The following DNAAF4 variants were observed in gnomAD, a reference collection of about 807,000 sequenced individuals.
DNAAF4 encodes dynein assembly factor 4, axonemal.
DNAAF4 carries 43 observed loss-of-function variants against 51.8 expected under a neutral mutation model. The observed-to-expected ratio is 0.83, with a 90% confidence interval of 0.65 to 1.07. The LOEUF (loss-of-function observed/expected upper bound fraction) is 1.07. Among genes scored for constraint, DNAAF4 ranks in the 50% least tolerant of loss-of-function variants. The probability of loss-of-function intolerance (pLI) is 0.00; values close to 1 mark genes in which losing one functional copy is unlikely to be tolerated. For missense variants in DNAAF4, 581 were observed against 493.0 expected (o/e 1.18, Z -1.69); for synonymous variants, 194 against 165.6 (o/e 1.17, Z -1.32).
intron 4 of DNAAF4, among the ~76,000 whole-genome samples, chr15:55,475,744 C>G (rs1055731003): frequency 6.6e-6 from 1 of 152,112 alleles, no homozygotes; most frequent in Non-Finnish European, 1.5e-5. Flanking sequence ...CAAAAAGAAC[C>G]TAGCAGTTTG....
At chr15:55,496,417 A>C (rs1004774688) in intron 3 of DNAAF4, among the ~76,000 whole-genome samples, 4 of 152,194 alleles carry the variant, frequency 2.6e-5, no homozygotes, top group Non-Finnish European at 4.4e-5. Flanking sequence ...TCTGCTCTAG[A>C]GTGAAACTGC....
chr15:55,438,144 G>A (rs1232392880), intron 7 of DNAAF4, among the ~76,000 whole-genome samples: 6 of 151,532 alleles, frequency 4.0e-5, no homozygotes, highest in East Asian at 2.0e-4. Flanking sequence ...GTCAAGGTGC[G>A]CGGATCACCT....
chr15:55,482,150 T>A (rs993998316), intron 4 of DNAAF4, among the ~76,000 whole-genome samples: 2 of 152,198 alleles, frequency 1.3e-5, no homozygotes. Context: ...TTTGTTCAAT[T>A]CTTTGTTTAA....
Position 55,435,074 on chromosome 15 carries a change from C to A in DNAAF4, c.894-16G>T. ...AAACAATTTGCTAATGAGACAAAAA[C>A]AGAGAAGAAAAACAATTTAACATTG... On this transcript the variant is annotated splice_polypyrimidine_tract_variant and intron_variant, in intron 7 of 9. Transcript: ENST00000321149. 6.4e-7 allele frequency: 1 copy of A among 1,567,730 alleles called. No homozygotes were observed. Among genetic ancestry groups the A allele is most frequent in the East Asian group, 2.3e-5 (1 of 43,770 alleles).
intron 6 of DNAAF4, among the ~76,000 whole-genome samples, chr15:55,448,589 G>A (rs2141455584): frequency 6.6e-6 from 1 of 150,604 alleles, no homozygotes; most frequent in South Asian, 2.1e-4. Context: ...AATTCTATGG[G>A]CCGGGCGCAG....
intron 4 of DNAAF4, among the ~76,000 whole-genome samples, chr15:55,486,993 C>A (rs187300991): frequency 2.6e-5 from 4 of 152,114 alleles, no homozygotes; most frequent in African/African-American, 9.7e-5. Context: ...TTAGCCAGAA[C>A]GAGCTTTCTA....
chr15:55,497,066 A>G (rs759923601), intron 3 of DNAAF4, among the ~76,000 whole-genome samples: 1 of 152,122 alleles, frequency 6.6e-6, no homozygotes, highest in Admixed American at 6.6e-5. Context: ...GGATCCATTC[A>G]TCTTTCCTAA....
downstream of DNAAF4, among the ~76,000 whole-genome samples, chr15:55,430,149 A>T (rs2057472429): frequency 1.3e-5 from 2 of 152,226 alleles, no homozygotes; most frequent in Admixed American, 1.3e-4. Context: ...GTTTTATACT[A>T]GGCTGAACTG....
At chr15:55,444,733 T>A (rs534878231) in intron 6 of DNAAF4, among the ~76,000 whole-genome samples, 15 of 152,358 alleles carry the variant, frequency 9.8e-5, no homozygotes, top group Admixed American at 7.2e-4. Flanking sequence ...GAGCAGTGGT[T>A]TGTAGTTCTC....
chr15:55,491,593 C>T (rs1595952758), intron 3 of DNAAF4, among the ~76,000 whole-genome samples: 1 of 146,864 alleles, frequency 6.8e-6, no homozygotes, highest in South Asian at 2.1e-4. Flanking sequence ...GAAACTAGGG[C>T]TATTTGCTTA....
chr15:55,417,997 C>T (rs1353940258), exon 8 of DNAAF4: 2 of 792,160 alleles, frequency 2.5e-6, no homozygotes, highest in African/African-American at 1.8e-5. Flanking sequence ...AAGGCAGGAA[C>T]CGGCCATTTT....
intron 5 of DNAAF4, among the ~76,000 whole-genome samples, chr15:55,463,451 G>T (rs148135568): frequency 7.2e-5 from 11 of 152,128 alleles, no homozygotes; most frequent in Non-Finnish European, 1.5e-4. Context: ...TCAGACAAGA[G>T]AAAGAAAGAA....
intron 4 of DNAAF4, among the ~76,000 whole-genome samples, chr15:55,476,063 T>C (rs547285630): frequency 7.9e-5 from 12 of 152,310 alleles, no homozygotes; most frequent in East Asian, 7.7e-4. Context: ...ACAAATTCTA[T>C]ATTTAGCAAA....
chr15:55,430,787 T>G lies in DNAAF4; in HGVS notation c.1154-8A>C. 6.3e-7 allele frequency: 1 copy of G among 1,587,010 alleles called. No homozygotes were observed. Among genetic ancestry groups the G allele is most frequent in the Non-Finnish European group, 8.6e-7 (1 of 1,157,704 alleles). On this transcript the variant is annotated splice_region_variant and splice_polypyrimidine_tract_variant and intron_variant, in intron 9 of 9. Transcript: ENST00000321149. ...CTTCATAATCCTGTAGGCCTGTGTT[T>G]ATATAGCAATGATGATTAATACAAT... is the stretch of plus-strand genomic sequence containing the variant.
chr15:55,440,379 TTA>T (rs550563543), intron 6 of DNAAF4, among the ~76,000 whole-genome samples: 1 of 150,030 alleles, frequency 6.7e-6, no homozygotes, highest in South Asian at 2.1e-4. Context: ...CTTGCAATAT[TTA>T]TATATATATA....
At chr15:55,483,221 C>T (rs949208532) in intron 4 of DNAAF4, among the ~76,000 whole-genome samples, 1 of 151,836 alleles carries the variant, frequency 6.6e-6, no homozygotes, top group East Asian at 1.9e-4. Flanking sequence ...CTCAGCCTTC[C>T]GAGTAGCTGG....
intron 6 of DNAAF4, among the ~76,000 whole-genome samples, chr15:55,441,776 G>T (rs1445001406): frequency 6.6e-6 from 1 of 152,108 alleles, no homozygotes; most frequent in African/African-American, 2.4e-5. Context: ...GTATTCCATG[G>T]TGTCTATGTG....
chr15:55,435,250 C>T (rs2057588879), intron 7 of DNAAF4, among the ~76,000 whole-genome samples, 192 bp from the exon 8 acceptor site: 1 of 149,894 alleles, frequency 6.7e-6, no homozygotes, highest in Non-Finnish European at 1.5e-5. Flanking sequence ...GGACCTCACT[C>T]CCACCTCCAA....
At chr15:55,467,895 A>G (rs1471602755) in intron 4 of DNAAF4, among the ~76,000 whole-genome samples, 2 of 151,364 alleles carry the variant, frequency 1.3e-5, no homozygotes, top group Non-Finnish European at 3.0e-5. Flanking sequence ...AAGAAAAAAA[A>G]CCTTGTGAAA....
Sources: allele counts gnomAD v4.1 joint callset (sites outside exome capture counted in the v4.1 genomes callset), GRCh38; gene constraint gnomAD v4.1.1; transcripts MANE v1.5; gene names NCBI Gene and HGNC (gene_info 2026-07-23, HGNC 2026-07-21).